The following FRMD4B variants were observed in gnomAD, a reference collection of about 807,000 sequenced individuals.
FRMD4B encodes the protein FERM domain containing 4B.
In FRMD4B, 74 loss-of-function variants were observed where a neutral mutation model predicts 141.5. The observed-to-expected ratio is 0.52, with a 90% CI of 0.43 to 0.63. FRMD4B has a LOEUF of 0.63. Among genes scored for constraint, FRMD4B ranks in the 30% least tolerant of loss-of-function variants. The pLI, the probability that FRMD4B is intolerant of heterozygous loss-of-function variation, is 0.00. For synonymous variants in FRMD4B, 506 were observed against 467.9 expected (o/e 1.08, Z -1.05); for missense variants, 1,366 against 1,253.4 (o/e 1.09, Z -1.36).
chr3:69,252,730 C>A (rs572489817), intron 5 of FRMD4B, among the ~76,000 whole-genome samples: 1 of 152,128 alleles, frequency 6.6e-6, no homozygotes, highest in Non-Finnish European at 1.5e-5. Flanking sequence ...TTGGAAGTGC[C>A]GTCTGCCCAG....
chr3:69,339,238 T>G (rs569678628), intron 1 of FRMD4B, among the ~76,000 whole-genome samples: 96 of 152,238 alleles, frequency 6.3e-4, no homozygotes, highest in African/African-American at 2.2e-3. Context: ...CCGAGTTTTA[T>G]AATCAGTTCT....
At chr3:69,427,643 GTTTTTTTTTTTTTTTTTTT>G (rs774316609) in intron 2 of FRMD4B, among the ~76,000 whole-genome samples, 1 of 36,238 alleles carries the variant, frequency 2.8e-5, no homozygotes, top group Non-Finnish European at 5.1e-5. Context: ...CTAGGTAAAT[GTTTTTTTTTTTTTTTTTTT>G]TTTTTTTTTT....
At chr3:69,218,882 G>A (rs958526555) in intron 9 of FRMD4B, among the ~76,000 whole-genome samples, 1 of 152,120 alleles carries the variant, frequency 6.6e-6, no homozygotes, top group Non-Finnish European at 1.5e-5. Context: ...GTCCCCCCAG[G>A]CTGGGCGCGG....
chr3:69,262,858 C>G (rs2106867498), intron 5 of FRMD4B, among the ~76,000 whole-genome samples: 1 of 152,234 alleles, frequency 6.6e-6, no homozygotes, highest in Non-Finnish European at 1.5e-5. Context: ...ATGGATGAAT[C>G]TCAAAAACAT....
intron 5 of FRMD4B, among the ~76,000 whole-genome samples, chr3:69,285,841 C>T (rs6803627): frequency 0.18 from 27,265 of 150,388 alleles, 2,914 homozygotes; most frequent in East Asian, 0.38. Flanking sequence ...GAGACTCCAT[C>T]TCAAAAAGAA....
chr3:69,423,387 C>T (rs1705016506), intron 2 of FRMD4B, among the ~76,000 whole-genome samples: 1 of 152,144 alleles, frequency 6.6e-6, no homozygotes, highest in Admixed American at 6.5e-5. Context: ...CCCAATGCTC[C>T]TGTTCTCAGC....
At chr3:69,366,247 A>G (rs113045392) in intron 1 of FRMD4B, among the ~76,000 whole-genome samples, 7,869 of 149,406 alleles carry the variant, frequency 0.053, 557 homozygotes, top group African/African-American at 0.16. Flanking sequence ...GCAACAGAGC[A>G]AGGCTCTGTC....
chr3:69,279,780 C>T (rs1241157194), intron 5 of FRMD4B, among the ~76,000 whole-genome samples: 2 of 107,130 alleles, frequency 1.9e-5, no homozygotes, highest in African/African-American at 7.7e-5. Flanking sequence ...TCCCCTCCTC[C>T]TCTCCTCCTC....
intron 2 of FRMD4B, among the ~76,000 whole-genome samples, chr3:69,400,056 T>C (rs564244647): frequency 6.6e-6 from 1 of 152,196 alleles, no homozygotes; most frequent in South Asian, 2.1e-4. Context: ...GTAAAAGCTA[T>C]GAGTGACCCT....
chr3:69,486,257 G>A (rs1372696859), intron 1 of FRMD4B, among the ~76,000 whole-genome samples: 1 of 152,206 alleles, frequency 6.6e-6, no homozygotes. Context: ...TTGGGGTAAA[G>A]GTGGTTTTTG....
At chr3:69,222,988 CA>C (rs2093212057) in intron 8 of FRMD4B, among the ~76,000 whole-genome samples, 1 of 152,184 alleles carries the variant, frequency 6.6e-6, no homozygotes, top group Non-Finnish European at 1.5e-5. Context: ...AAGACTTTCT[CA>C]TTGAATGATT....
chr3:69,197,143 C>A, intron 12 of FRMD4B, 105 bp from the exon 13 acceptor site: 3 of 849,334 alleles, frequency 3.5e-6, no homozygotes, highest in South Asian at 2.1e-5. Context: ...TCTTACCTGT[C>A]TTCTGTTGCA....
chr3:69,324,882 C>G (rs1371154674), intron 1 of FRMD4B, among the ~76,000 whole-genome samples: 3 of 151,634 alleles, frequency 2.0e-5, no homozygotes, highest in Non-Finnish European at 4.4e-5. Context: ...ATTGCTTGAG[C>G]CCAGGAGTCT....
chr3:69,361,599 T>G (rs1259666339), intron 1 of FRMD4B, among the ~76,000 whole-genome samples: 1 of 152,136 alleles, frequency 6.6e-6, no homozygotes, highest in African/African-American at 2.4e-5. Flanking sequence ...AATTATGGAG[T>G]ATGTATTTTT....
At chr3:69,193,981 G>C in intron 16 of FRMD4B, 108 bp from the exon 17 acceptor site, 1 of 683,002 alleles carries the variant, frequency 1.5e-6, no homozygotes, top group East Asian at 2.7e-5. Context: ...GACGTTCTTT[G>C]AGAACACTAT....
intron 1 of FRMD4B, among the ~76,000 whole-genome samples, chr3:69,465,384 T>C (rs1705766627): frequency 6.6e-6 from 1 of 151,866 alleles, no homozygotes. Context: ...TAGCATTGAC[T>C]GGATTATTCT....
chr3:69,367,459 A>G (rs546041931), intron 1 of FRMD4B, among the ~76,000 whole-genome samples: 11 of 152,204 alleles, frequency 7.2e-5, no homozygotes, highest in Non-Finnish European at 1.6e-4. Context: ...ACATACATAT[A>G]TACATACACA....
At chr3:69,355,664 A>AG (rs1703292221) in intron 1 of FRMD4B, among the ~76,000 whole-genome samples, 2 of 152,144 alleles carry the variant, frequency 1.3e-5, no homozygotes, top group African/African-American at 2.4e-5. Flanking sequence ...AGACCAAATT[A>AG]GGGGGGAGGC....
intron 8 of FRMD4B, among the ~76,000 whole-genome samples, chr3:69,222,360 G>C (rs554162941): frequency 6.6e-6 from 1 of 151,370 alleles, no homozygotes. Flanking sequence ...CCAGCTCCTC[G>C]GGAGGCTGAG....
Sources: allele counts gnomAD v4.1 joint callset (sites outside exome capture counted in the v4.1 genomes callset), GRCh38; gene constraint gnomAD v4.1.1; transcripts MANE v1.5; gene names NCBI Gene and HGNC (gene_info 2026-07-23, HGNC 2026-07-21).